Variants in HMGXB3 observed in about 807,000 individuals in gnomAD.
HMGXB3 encodes HMG-box containing 3, also known as HMG domain-containing protein 3.
HMGXB3 carries 45 observed loss-of-function variants against 121.5 expected under a neutral mutation model. That is an observed-to-expected ratio of 0.37 (90% confidence interval 0.29 to 0.47). The LOEUF is 0.47. HMGXB3 is among the 20% of genes least tolerant of loss of function. HMGXB3 has a pLI of 0.99. For missense variants in HMGXB3, 1,376 were observed against 1,602.2 expected, an observed-to-expected ratio of 0.86 and a Z score of 2.41; for synonymous variants, 590 against 624.1, an observed-to-expected ratio of 0.95 and a Z score of 0.81.
chr5:150,004,906 G>A lies in HMGXB3; in HGVS notation c.54G>A (p.Glu18=). The A allele has an allele frequency of 6.4e-7, 1 of 1,551,718 alleles. No individual in the cohort carries two copies. Among genetic ancestry groups the A allele is most frequent in the East Asian group, 2.4e-5 (1 of 40,916 alleles). The change falls in exon 2 of 20, where the codon GAG becomes GAA. Residue 18 remains glutamate (E), a synonymous_variant. Coordinates refer to ENST00000502717, the MANE Select transcript of HMGXB3 (RefSeq NM_014983.3). ...TAACTGTCGTGATGGAGGAAATTGA[G>A]GAAGCCTATTGTTACACCTCTCCTG... ...TEVTVVMEEI[E]EAYCYTSPGP... is the part of the protein sequence containing the mutation.
At chr5:150,012,877 A>G (rs1755876892) in intron 5 of HMGXB3, among the ~76,000 whole-genome samples, 1 of 152,054 alleles carries the variant, frequency 6.6e-6, no homozygotes, top group African/African-American at 2.4e-5. Flanking sequence ...TTTTTAGAAA[A>G]TTTTCAATAT....
At chr5:150,014,307 A>G (rs1274880617) in intron 5 of HMGXB3, among the ~76,000 whole-genome samples, 1 of 152,254 alleles carries the variant, frequency 6.6e-6, no homozygotes, top group Non-Finnish European at 1.5e-5. Flanking sequence ...GTTTTATGCA[A>G]TCTTTAAAGA....
At chr5:150,028,559 ATTTTT>A (rs55858256) in intron 9 of HMGXB3, among the ~76,000 whole-genome samples, 69 of 38,896 alleles carry the variant, frequency 1.8e-3, no homozygotes, top group African/African-American at 7.8e-3. Context: ...ATATATATAT[ATTTTT>A]TTTTTTTTTT....
At chr5:150,034,365 C>CT (rs1756452642) in intron 11 of HMGXB3, among the ~76,000 whole-genome samples, 1 of 152,176 alleles carries the variant, frequency 6.6e-6, no homozygotes, top group Non-Finnish European at 1.5e-5. Context: ...CAAAGTGTGT[C>CT]TATCTGTAAT....
intron 18 of HMGXB3, among the ~76,000 whole-genome samples, chr5:150,048,954 C>G (rs1756824690): frequency 6.6e-6 from 1 of 152,198 alleles, no homozygotes; most frequent in Admixed American, 6.5e-5. Context: ...GATGTCGTTC[C>G]TCCCTAGTTG....
chr5:150,015,192 C>T (rs772042430), intron 5 of HMGXB3: 4 of 272,328 alleles, frequency 1.5e-5, no homozygotes, highest in Admixed American at 5.6e-5. Flanking sequence ...TGGCCATGGT[C>T]ACGTGTGTTC....
At chr5:150,010,759 C>G (rs1047252335) in intron 4 of HMGXB3, among the ~76,000 whole-genome samples, 151 bp downstream of exon 4, 1 of 152,248 alleles carries the variant, frequency 6.6e-6, no homozygotes, top group Non-Finnish European at 1.5e-5. Context: ...TGTCTTGCCC[C>G]TGGGCTCACT....
chr5:150,021,840 T>C (rs1392327877), intron 6 of HMGXB3: 6 of 509,554 alleles, frequency 1.2e-5, no homozygotes, highest in Non-Finnish European at 2.3e-5. Flanking sequence ...GATTTTATGT[T>C]GCAGCTCGTT....
At chr5:150,009,983 G>C in intron 3 of HMGXB3, 128 bp from the exon 4 acceptor site, 2 of 998,528 alleles carry the variant, frequency 2.0e-6, no homozygotes, top group East Asian at 2.6e-5. Context: ...CAAGAGAGTA[G>C]AGTTTTTCCA....
Position 150,051,886 on chromosome 5 carries a change from G to T in HMGXB3, c.3573G>T (p.Leu1191Phe). 6.4e-7 allele frequency: 1 copy of T among 1,551,604 alleles called. No individual in the cohort carries two copies. Among genetic ancestry groups the T allele is most frequent in the Non-Finnish European group, 8.7e-7 (1 of 1,147,088 alleles). ...PGDPSAGHHS[L>F]ALCPELAPYA... The stretch of plus-strand genomic sequence containing the variant: ...ACCCCAGTGCTGGGCACCACTCCTT[G>T]GCCCTGTGCCCTGAATTGGCACCTT... Residue 1191 changes from leucine (L) to phenylalanine (F), a missense_variant, in exon 20 of 20, where the codon TTG (leucine) becomes TTT (phenylalanine). Physicochemically the swap from Leu to Phe is conservative, Grantham distance 22. This residue lies in a region of HMGXB3 where 260 missense variants were observed against 233.2 expected (regional missense o/e 1.11). Coordinates refer to ENST00000502717, the MANE Select transcript of HMGXB3 (RefSeq NM_014983.3).
rs1323773594 is a variant in HMGXB3, at chr5:150,048,684, A to G, written c.3200A>G (p.Gln1067Arg). 2.0e-6 allele frequency: 3 copies of G among 1,537,952 alleles called. No individual in the cohort carries two copies. Among genetic ancestry groups the G allele is most frequent in the African/African-American group, 2.7e-5 (2 of 72,752 alleles). Residue 1067 changes from glutamine to arginine, a missense_variant and splice_region_variant, in exon 18 of 20, where the codon CAG (glutamine) becomes CGG (arginine). By Grantham distance (43) the Gln-to-Arg change is conservative. Coordinates refer to ENST00000502717, the MANE Select transcript of HMGXB3 (RefSeq NM_014983.3). ...AAAATCTACAAGGTGTGCCCCCATCAGGTAAGAAAATAACTAGGGGGAGCT... is the reference window on the plus strand; with the variant it reads ...AAAATCTACAAGGTGTGCCCCCATCGGGTAAGAAAATAACTAGGGGGAGCT... ...GGKIYKVCPHQVVCGSKYLVR... is the reference protein window; with the variant it reads ...GGKIYKVCPHRVVCGSKYLVR...
At position 150,012,897 on chromosome 5, in the gene HMGXB3, T is replaced by A. The variant is rs560014860; in HGVS notation, c.909+544T>A. Among the ~76,000 whole-genome samples, 20 of 152,346 alleles carry A rather than the reference T, an allele frequency of 1.3e-4. No homozygotes were observed. The East Asian group carries it at 3.7e-3, about 28-fold the overall frequency. ...AGAAAATTTTCAATATCTGATTGCCTACAACTAGTATATCGTAATACAATT... is the reference window on the plus strand; with the variant it reads ...AGAAAATTTTCAATATCTGATTGCCAACAACTAGTATATCGTAATACAATT... On this transcript the variant is annotated intron_variant, in intron 5 of 19. Coordinates refer to ENST00000502717, the MANE Select transcript of HMGXB3 (RefSeq NM_014983.3).
At chr5:150,030,863 T>C in intron 10 of HMGXB3, 24 bp downstream of exon 10, 1 of 1,509,172 alleles carries the variant, frequency 6.6e-7, no homozygotes, top group South Asian at 1.2e-5. Flanking sequence ...TAGGTGGTGG[T>C]GGGTTGACAT....
At chr5:150,004,734 T>G (rs1039663035) in intron 1 of HMGXB3, 117 bp from the exon 2 acceptor site, 6 of 628,516 alleles carry the variant, frequency 9.5e-6, no homozygotes, top group Admixed American at 3.4e-5. Flanking sequence ...TATATTGGGT[T>G]TGGGAAATGT....
chr5:150,045,412 T>C (rs1187945045), intron 15 of HMGXB3, 54 bp from the exon 16 acceptor site: 11 of 1,396,212 alleles, frequency 7.9e-6, no homozygotes, highest in Non-Finnish European at 1.1e-5. Flanking sequence ...GGCTGTTGTG[T>C]TGCTGATGTT....
At chr5:150,025,083 G>A (rs1392579015) in intron 7 of HMGXB3, among the ~76,000 whole-genome samples, 1 of 152,202 alleles carries the variant, frequency 6.6e-6, no homozygotes, top group East Asian at 1.9e-4. Flanking sequence ...TCTGGCTTCT[G>A]TTTGACTTTG....
chr5:150,011,587 T>G (rs942636130), intron 4 of HMGXB3, among the ~76,000 whole-genome samples: 1 of 147,064 alleles, frequency 6.8e-6, no homozygotes, highest in African/African-American at 2.7e-5. Context: ...GTTGTTGTTG[T>G]TGGTTGTTTT....
chr5:150,001,596 G>A (rs1755567533), intron 1 of HMGXB3, among the ~76,000 whole-genome samples: 1 of 152,188 alleles, frequency 6.6e-6, no homozygotes, highest in African/African-American at 2.4e-5. Context: ...TCCCCGTGCT[G>A]GTGCGACTGG....
At chr5:150,021,676 A>T (rs1394508631) in intron 6 of HMGXB3, 1 of 519,474 alleles carries the variant, frequency 1.9e-6, no homozygotes, top group Non-Finnish European at 3.8e-6. Context: ...TTGCTTGTGG[A>T]TTCTCCTATG....
Sources: allele counts gnomAD v4.1 joint callset (sites outside exome capture counted in the v4.1 genomes callset), GRCh38; gene constraint gnomAD v4.1.1; regional missense constraint gnomAD v4.1.1; transcripts MANE v1.5; gene names NCBI Gene and HGNC (gene_info 2026-07-23, HGNC 2026-07-21).